SCN3A: variants seen among roughly 807,000 people sequenced by gnomAD.
The protein encoded by SCN3A is sodium channel protein type 3 subunit alpha.
Under a neutral mutation model 187.6 loss-of-function variants are expected in SCN3A, and 60 were observed. The observed-to-expected ratio is 0.32, with a 90% CI of 0.26 to 0.40. The LOEUF is 0.40. Among genes scored for constraint, SCN3A ranks in the 10% least tolerant of loss-of-function variants. The pLI, the probability that SCN3A is intolerant of heterozygous loss-of-function variation, is 1.00. For synonymous variants in SCN3A, 788 were observed against 829.2 expected (o/e 0.95, Z 0.85); for missense variants, 1,601 against 2,428.2 (o/e 0.66, Z 7.16).
chr2:165,153,548 TA>T (rs992474520), intron 11 of SCN3A, among the ~76,000 whole-genome samples: 1 of 148,774 alleles, frequency 6.7e-6, no homozygotes, highest in Admixed American at 6.7e-5. Context: ...ACAACCTAAC[TA>T]AAAAAAAAGG....
intron 21 of SCN3A, among the ~76,000 whole-genome samples, chr2:165,104,823 A>C (rs1685768717): frequency 1.3e-5 from 2 of 152,196 alleles, no homozygotes; most frequent in African/African-American, 4.8e-5. Context: ...GATTCTTTCT[A>C]AACTTTTACT....
chr2:165,097,650 G>A, intron 22 of SCN3A, 126 bp from the exon 23 acceptor site: 1 of 1,200,628 alleles, frequency 8.3e-7, no homozygotes, highest in Non-Finnish European at 1.2e-6. Context: ...TGGACAAGTT[G>A]TTTCTTCTAA....
chr2:165,174,059 A>G (rs192254930), intron 3 of SCN3A, among the ~76,000 whole-genome samples: 109 of 152,274 alleles, frequency 7.2e-4, no homozygotes, highest in African/African-American at 2.6e-3. Flanking sequence ...CTATTTATTT[A>G]TTTAGACAGG....
At chr2:165,162,502 T>C in intron 8 of SCN3A, 54 bp downstream of exon 8, 1 of 1,610,332 alleles carries the variant, frequency 6.2e-7, no homozygotes, top group East Asian at 2.2e-5. Flanking sequence ...CAACTATTTA[T>C]AGTTGAAAAT....
rs556745105 is a variant in SCN3A, at chr2:165,188,583, T to C, written c.-247-1836A>G. Among the ~76,000 whole-genome samples the C allele has an allele frequency of 3.8e-4, 58 of 151,740 alleles. 2 individuals are homozygous for C. Among genetic ancestry groups the C allele is most frequent in the Admixed American group, 3.8e-3 (58 of 15,260 alleles). The stretch of plus-strand genomic sequence containing the variant: ...GGCGGGTGGATCACAAGGTCAGGAG[T>C]TTGAGACCAGCCTGACCAACATGGT... On this transcript the variant is annotated intron_variant, in intron 1 of 27. Transcript: ENST00000283254.
In SCN3A at chr2:165,140,808, C is replaced by G. The variant is rs965476894; in HGVS notation, c.1862G>C (p.Arg621Pro). Residue 621 changes from arginine (R) to proline (P), a missense_variant, in exon 13 of 28, where the codon CGC (arginine) becomes CCC (proline). Physicochemically the swap from Arg to Pro is moderately radical, Grantham distance 103. Transcript: ENST00000283254. This position sits in a 1 kb window ranked among gnomAD's most constrained non-coding sequence, Gnocchi z 4.2. Reference sequence around the variant, plus strand: ...ACTGGCCTGACTAACGTTACTGTTGCGTCGCTCTCCATGTCTGTGCGGCAC... The same window carrying G: ...ACTGGCCTGACTAACGTTACTGTTGGGTCGCTCTCCATGTCTGTGCGGCAC... The part of the protein sequence containing the change: ...LFVPHRHGER[R>P]NSNVSQASMS... 3.1e-6 allele frequency: 5 copies of G among 1,614,130 alleles called. No individual in the cohort carries two copies. The highest frequency in any genetic ancestry group is 2.7e-5 in the African/African-American group (2 of 75,060).
chr2:165,131,165 A>G, intron 16 of SCN3A, 79 bp downstream of exon 16: 1 of 829,120 alleles, frequency 1.2e-6, no homozygotes, highest in Non-Finnish European at 1.7e-6. Flanking sequence ...TAAAATTAAT[A>G]ATTATATAAA....
At chr2:165,138,715 A>G (rs1397109787) in intron 14 of SCN3A, among the ~76,000 whole-genome samples, 1 of 152,204 alleles carries the variant, frequency 6.6e-6, no homozygotes, top group African/African-American at 2.4e-5. Flanking sequence ...TTAATGGATG[A>G]GGCCTGTTAC....
At chr2:165,129,112 T>C (rs931595415) in intron 17 of SCN3A, among the ~76,000 whole-genome samples, 2 of 152,276 alleles carry the variant, frequency 1.3e-5, no homozygotes, top group Middle Eastern at 3.4e-3. Flanking sequence ...AAATTACATG[T>C]TCGTAGGTAT....
At chr2:165,138,457 ATAAT>A (rs937722411) in intron 14 of SCN3A, among the ~76,000 whole-genome samples, 1 of 152,184 alleles carries the variant, frequency 6.6e-6, no homozygotes, top group African/African-American at 2.4e-5. Flanking sequence ...AAAATTTTAA[ATAAT>A]TATTGTTTCT....
intron 2 of SCN3A, among the ~76,000 whole-genome samples, chr2:165,183,144 G>C (rs1690995932): frequency 6.6e-6 from 1 of 152,096 alleles, no homozygotes; most frequent in Non-Finnish European, 1.5e-5. Context: ...AGACAATGAA[G>C]TTAGAACAAT....
chr2:165,156,374 G>A (rs1039043268), intron 9 of SCN3A, among the ~76,000 whole-genome samples: 27 of 151,096 alleles, frequency 1.8e-4, no homozygotes, highest in African/African-American at 5.3e-4. Context: ...TTAGCTGGGC[G>A]TTGTGGTGGG....
intron 5 of SCN3A, among the ~76,000 whole-genome samples, chr2:165,164,871 G>A (rs1346491625): frequency 6.6e-6 from 1 of 152,074 alleles, no homozygotes; most frequent in Non-Finnish European, 1.5e-5. Context: ...ATTCCTAGTA[G>A]CAAGCGAAAA....
chr2:165,094,478 A>G lies in SCN3A; in HGVS notation c.4432T>C (p.Phe1478Leu). ...IDNFNQQKKK[F>L]GGQDIFMTEE... ...GTCATAAAGATGTCTTGACCTCCAA[A>G]GTAAAGACATAGTATAAAACTGGTT... The change falls in exon 26 of 28, where the codon TTT becomes CTT. Residue 1478 changes from phenylalanine (F) to leucine (L), a missense_variant and splice_region_variant. Phe to Leu is a conservative substitution (Grantham distance 22). Transcript: ENST00000283254. 6.3e-7 allele frequency: 1 copy of G among 1,585,984 alleles called. No individual in the cohort carries two copies. Among genetic ancestry groups the G allele is most frequent in the Non-Finnish European group, 8.7e-7 (1 of 1,154,424 alleles).
intron 21 of SCN3A, among the ~76,000 whole-genome samples, chr2:165,105,095 CAG>C (rs1381684200): frequency 6.6e-6 from 1 of 152,106 alleles, no homozygotes; most frequent in East Asian, 1.9e-4. Flanking sequence ...TGCTCAAAAA[CAG>C]AGGGGCAATT....
In SCN3A at chr2:165,146,847, G is replaced by C. The variant is rs1688373764; in HGVS notation, c.1563C>G (p.Asp521Glu). ...HLEGNNKGER[D>E]SFPKSESEDS... ...CTTCAGATTCGGATTTGGGAAAGCTGTCTCTCTCTCCTTTGTTGTTTCCTT... is the reference window on the plus strand; with the variant it reads ...CTTCAGATTCGGATTTGGGAAAGCTCTCTCTCTCTCCTTTGTTGTTTCCTT... Residue 521 changes from aspartate to glutamate, a missense_variant, in exon 12 of 28, where the codon GAC (aspartate) becomes GAG (glutamate). Asp to Glu is a conservative substitution (Grantham distance 45, BLOSUM62 2). Around this residue, in one of 11 missense-constraint regions of SCN3A, gnomAD observed 376 missense variants for 476.0 expected, o/e 0.79. Coordinates refer to ENST00000283254, the MANE Select transcript of SCN3A (RefSeq NM_006922.4). 2 of 1,613,916 alleles carry C rather than the reference G, an allele frequency of 1.2e-6. No individual in the cohort carries two copies. The highest frequency in any genetic ancestry group is 1.7e-6 in the Non-Finnish European group (2 of 1,179,964).
intron 10 of SCN3A, among the ~76,000 whole-genome samples, chr2:165,155,386 C>T (rs1023890414): frequency 6.6e-6 from 1 of 151,906 alleles, no homozygotes; most frequent in African/African-American, 2.4e-5. Flanking sequence ...CTTTCCTTTT[C>T]CCATTCCCTT....
chr2:165,138,895 A>G (rs571230397), intron 14 of SCN3A, among the ~76,000 whole-genome samples: 1 of 152,316 alleles, frequency 6.6e-6, no homozygotes, highest in African/African-American at 2.4e-5. Flanking sequence ...TGTGTGATGT[A>G]TGAACAAGTT....
intron 11 of SCN3A, among the ~76,000 whole-genome samples, chr2:165,148,838 G>A (rs1688507632): frequency 6.6e-6 from 1 of 151,998 alleles, no homozygotes; most frequent in Admixed American, 6.6e-5. Context: ...AATTCATGAT[G>A]TAAAATGAGA....
Sources: allele counts gnomAD v4.1 joint callset (sites outside exome capture counted in the v4.1 genomes callset), GRCh38; gene constraint gnomAD v4.1.1; regional missense constraint gnomAD v4.1.1; non-coding constraint Gnocchi (gnomAD v3.1); transcripts MANE v1.5; gene names NCBI Gene and HGNC (gene_info 2026-07-23, HGNC 2026-07-21).